Variants in ELF2 observed in about 807,000 individuals in gnomAD.
ELF2 encodes the protein E74 like ETS transcription factor 2.
ELF2 carries 11 observed loss-of-function variants against 54.8 expected under a neutral mutation model. That is an observed-to-expected ratio of 0.20 (90% confidence interval 0.13 to 0.33). The LOEUF is 0.33. ELF2 is among the 10% of genes least tolerant of loss of function. The pLI is 1.00. For synonymous variants in ELF2, 203 were observed against 245.1 expected (o/e 0.83, Z 1.61); for missense variants, 513 against 703.0 (o/e 0.73, Z 3.06).
rs553625400 is a variant in ELF2, at chr4:139,121,171, C to G, written c.238+3993G>C. Among the ~76,000 whole-genome samples the G allele has an allele frequency of 2.7e-4, 36 of 131,390 alleles. 1 individual carries two copies. The South Asian group carries it at 2.9e-3, about 10-fold the overall frequency. 86.2% of individuals were successfully genotyped at this position (131,390 alleles called of 152,430 possible). A position where few individuals can be genotyped will look rare whatever the true frequency, so the allele number is the denominator to read the frequency against. ...TCGCCCAGGCTGGAGTGCAGTGGCG[C>G]GATCTCGGCTCACTGCAAGCTCCGC... On this transcript the variant is annotated intron_variant, in intron 4 of 9. Coordinates refer to ENST00000686138, the MANE Select transcript of ELF2 (RefSeq NM_001331036.3).
chr4:139,078,847 G>A (rs1730684030), intron 4 of ELF2, among the ~76,000 whole-genome samples: 1 of 151,726 alleles, frequency 6.6e-6, no homozygotes, highest in Non-Finnish European at 1.5e-5. Flanking sequence ...TATCATATTT[G>A]AAATTACAAA....
intron 4 of ELF2, among the ~76,000 whole-genome samples, chr4:139,111,154 G>A (rs1446245864): frequency 1.3e-5 from 2 of 151,970 alleles, no homozygotes; most frequent in African/African-American, 4.8e-5. Flanking sequence ...TTCTCTTTAT[G>A]GTATCTACTA....
In ELF2 at chr4:139,108,873, G is replaced by T. The variant is rs145352506; in HGVS notation, c.238+16291C>A. Among the ~76,000 whole-genome samples the T allele has an allele frequency of 2.9e-3, 444 of 152,242 alleles. 2 individuals are homozygous for T. The highest frequency in any genetic ancestry group is 0.01 in the African/African-American group (417 of 41,534). ...GAACAACCTTCAAACTCACACATCTGAACATTTTAAGATCCGGGGCCCAAA... is the reference window on the plus strand; with the variant it reads ...GAACAACCTTCAAACTCACACATCTTAACATTTTAAGATCCGGGGCCCAAA... On this transcript the variant is annotated intron_variant, in intron 4 of 9. Coordinates refer to ENST00000686138, the MANE Select transcript of ELF2 (RefSeq NM_001331036.3).
chr4:139,080,912 T>C (rs1340981666), intron 4 of ELF2, among the ~76,000 whole-genome samples: 1 of 147,064 alleles, frequency 6.8e-6, no homozygotes, highest in African/African-American at 2.5e-5. Context: ...AACGAACTTA[T>C]AGACATATTC....
intron 4 of ELF2, chr4:139,084,276 G>A: frequency 1.9e-6 from 3 of 1,603,542 alleles, no homozygotes; most frequent in Non-Finnish European, 1.7e-6. Flanking sequence ...CCCGCGGCCG[G>A]AGACACACGC....
At chr4:139,114,672 G>GT (rs1735414613) in intron 4 of ELF2, among the ~76,000 whole-genome samples, 1 of 137,672 alleles carries the variant, frequency 7.3e-6, no homozygotes, top group African/African-American at 2.7e-5. Context: ...CACCAAAGGC[G>GT]TATCCTAGCT....
intron 4 of ELF2, among the ~76,000 whole-genome samples, chr4:139,118,726 A>G (rs1368387061): frequency 2.0e-5 from 3 of 152,202 alleles, no homozygotes; most frequent in African/African-American, 4.8e-5. Flanking sequence ...GGAGAAAACA[A>G]GAGACATAAA....
At chr4:139,070,205 C>T (rs1453112547) in intron 6 of ELF2, among the ~76,000 whole-genome samples, 1 of 151,962 alleles carries the variant, frequency 6.6e-6, no homozygotes, top group Non-Finnish European at 1.5e-5. Context: ...ATTAAATTGG[C>T]AAAGTATTTC....
chr4:139,115,936 G>A (rs1206141390), intron 4 of ELF2, among the ~76,000 whole-genome samples: 1 of 152,152 alleles, frequency 6.6e-6, no homozygotes, highest in Non-Finnish European at 1.5e-5. Context: ...CCACCTCCTG[G>A]GTTCAAGCGA....
chr4:139,144,875 A>C (rs1453582764), intron 1 of ELF2, among the ~76,000 whole-genome samples: 3 of 152,224 alleles, frequency 2.0e-5, no homozygotes, highest in Non-Finnish European at 4.4e-5. Flanking sequence ...TGCCTGACCA[A>C]GCCCCCCACC....
chr4:139,146,437 A>G (rs1352059696), intron 1 of ELF2, among the ~76,000 whole-genome samples: 1 of 152,232 alleles, frequency 6.6e-6, no homozygotes, highest in Non-Finnish European at 1.5e-5. Context: ...TATCATGAAA[A>G]TGACCATACC....
At chr4:139,176,589 G>C (rs1289856000) in intron 1 of ELF2, among the ~76,000 whole-genome samples, 1 of 152,006 alleles carries the variant, frequency 6.6e-6, no homozygotes, top group Non-Finnish European at 1.5e-5. Context: ...TCCGCTTCTC[G>C]GCAGAGGTGA....
intron 1 of ELF2, among the ~76,000 whole-genome samples, chr4:139,160,200 G>C (rs1560882279): frequency 6.6e-6 from 1 of 152,168 alleles, no homozygotes; most frequent in East Asian, 1.9e-4. Context: ...AGCTGGGCGT[G>C]GTGGTGGGCG....
At chr4:139,105,729 G>T (rs764211311) in intron 4 of ELF2, among the ~76,000 whole-genome samples, 18 of 152,114 alleles carry the variant, frequency 1.2e-4, no homozygotes, top group Non-Finnish European at 1.8e-4. Flanking sequence ...TACCAAAAAA[G>T]AAATGATAAA....
At chr4:139,079,791 A>G (rs1730841726) in intron 4 of ELF2, among the ~76,000 whole-genome samples, 1 of 152,232 alleles carries the variant, frequency 6.6e-6, no homozygotes, top group African/African-American at 2.4e-5. Context: ...TCACGCCTGT[A>G]ATCCCAGCTA....
At chr4:139,069,115 C>T (rs886571475) in intron 6 of ELF2, among the ~76,000 whole-genome samples, 31 of 152,056 alleles carry the variant, frequency 2.0e-4, no homozygotes, top group African/African-American at 7.2e-4. Context: ...GAAATCTGCC[C>T]GCCTCAGCCT....
intron 1 of ELF2, among the ~76,000 whole-genome samples, chr4:139,157,755 G>C (rs140862496): frequency 6.6e-6 from 1 of 152,248 alleles, no homozygotes; most frequent in East Asian, 1.9e-4. Flanking sequence ...GACACTTCTA[G>C]AAATCTTCAA....
At chr4:139,161,926 C>T (rs891262746) in intron 1 of ELF2, among the ~76,000 whole-genome samples, 23 of 152,104 alleles carry the variant, frequency 1.5e-4, no homozygotes, top group Non-Finnish European at 3.2e-4. Context: ...AACCCTAACT[C>T]TACTAAAATT....
At chr4:139,095,908 G>A (rs980865212) in intron 4 of ELF2, among the ~76,000 whole-genome samples, 2 of 151,948 alleles carry the variant, frequency 1.3e-5, no homozygotes, top group Non-Finnish European at 2.9e-5. Context: ...GCTGGGCACG[G>A]TGGCACACGC....
Sources: allele counts gnomAD v4.1 joint callset (sites outside exome capture counted in the v4.1 genomes callset), GRCh38; gene constraint gnomAD v4.1.1; transcripts MANE v1.5; gene names NCBI Gene and HGNC (gene_info 2026-07-23, HGNC 2026-07-21).